The following TNIP1 variants were observed in gnomAD, a reference collection of about 807,000 sequenced individuals.
TNIP1 encodes the protein TNFAIP3-interacting protein 1.
TNIP1 carries 22 observed loss-of-function variants against 86.6 expected under a neutral mutation model. That is an observed-to-expected ratio of 0.25 (90% CI 0.18 to 0.36). TNIP1 has a LOEUF of 0.36. Among genes scored for constraint, TNIP1 ranks in the 10% least tolerant of loss-of-function variants. TNIP1 has a pLI of 1.00. For synonymous variants in TNIP1, 294 were observed against 313.0 expected (o/e 0.94, Z 0.64); for missense variants, 709 against 820.6 (o/e 0.86, Z 1.66).
chr5:151,043,345 G>A (rs943941400), intron 9 of TNIP1, among the ~76,000 whole-genome samples: 22 of 152,172 alleles, frequency 1.4e-4, no homozygotes, highest in Admixed American at 9.8e-4. Context: ...TTACACAAGT[G>A]TGCAAATATA....
upstream of TNIP1, among the ~76,000 whole-genome samples, chr5:151,085,421 TA>T (rs2113869785): frequency 6.6e-6 from 1 of 152,336 alleles, no homozygotes; most frequent in East Asian, 1.9e-4. Context: ...CAGCTTGCCC[TA>T]GACATCAGAC....
chr5:151,032,148 T>C (rs1451903482), intron 17 of TNIP1, 139 bp downstream of exon 17: 3 of 687,340 alleles, frequency 4.4e-6, no homozygotes, highest in Non-Finnish European at 4.9e-6. Flanking sequence ...TTACTCTCCA[T>C]TCAACACTGT....
intron 4 of TNIP1, 50 bp from the exon 5 acceptor site, chr5:151,060,445 C>G (rs981550356): frequency 3.2e-6 from 5 of 1,575,146 alleles, no homozygotes; most frequent in Non-Finnish European, 4.4e-6. Flanking sequence ...CAGCTCACCC[C>G]TCCTCTGCGG....
rs1756751431 is a variant in TNIP1 at position 151,030,503 on chromosome 5, G to A, written c.*210C>T. On this transcript the variant is annotated 3_prime_UTR_variant, in exon 18 of 18. Transcript: ENST00000521591. Reference sequence around the variant, plus strand: ...AAGGAGTTTTTCCCAGTCACTCCCAGCAGAGTACAAATGAAAGCCTTCTGG... The same window carrying A: ...AAGGAGTTTTTCCCAGTCACTCCCAACAGAGTACAAATGAAAGCCTTCTGG... 1.4e-6 allele frequency: 1 copy of A among 700,052 alleles called. No homozygotes were observed. The allele number at this position is 700,052 out of a possible 1,614,324, so 43.4% of individuals were successfully genotyped here.
At chr5:151,053,583 A>G (rs1760257124) in intron 6 of TNIP1, among the ~76,000 whole-genome samples, 1 of 152,132 alleles carries the variant, frequency 6.6e-6, no homozygotes, top group Non-Finnish European at 1.5e-5. Flanking sequence ...TCAGGACCTC[A>G]CAGGCTGGGG....
chr5:151,081,658 C>T (rs1764037048), upstream of TNIP1, among the ~76,000 whole-genome samples: 1 of 152,204 alleles, frequency 6.6e-6, no homozygotes, highest in East Asian at 1.9e-4. Context: ...TTCGCACAAT[C>T]ACGCTAGGGA....
At position 151,059,879 on chromosome 5, in the gene TNIP1, G is replaced by A. The variant is rs73799420; in HGVS notation, c.435+439C>T. 8.3e-3 allele frequency among the ~76,000 whole-genome samples: 1,018 copies of A among 121,942 alleles called. 25 individuals carry two copies. The highest frequency in any genetic ancestry group is 0.033 in the African/African-American group (917 of 27,660). The allele number at this position is 121,942 out of a possible 152,430, so 80.0% of individuals were successfully genotyped here. A position where few individuals can be genotyped will look rare whatever the true frequency, so the allele number is the denominator to read the frequency against. On this transcript the variant is annotated intron_variant, in intron 5 of 17. Transcript: ENST00000521591. Reference sequence around the variant, plus strand: ...TGTGTGTGTGTGTGCGCGCGCGCGCGCGCATGCGTGTAAGTGGAAAGTTGA... The same window carrying A: ...TGTGTGTGTGTGTGCGCGCGCGCGCACGCATGCGTGTAAGTGGAAAGTTGA...
chr5:151,077,564 T>C (rs1763528071), intron 1 of TNIP1, among the ~76,000 whole-genome samples: 1 of 152,202 alleles, frequency 6.6e-6, no homozygotes, highest in African/African-American at 2.4e-5. Flanking sequence ...CAGGTGAGGA[T>C]GCAGAGGCCC....
chr5:151,043,362 C>T (rs746113256), intron 9 of TNIP1, among the ~76,000 whole-genome samples: 1 of 152,124 alleles, frequency 6.6e-6, no homozygotes, highest in Non-Finnish European at 1.5e-5. Flanking sequence ...TATATATACA[C>T]AAGGCTAATC....
At chr5:151,079,782 T>C (rs982355885) in intron 1 of TNIP1, among the ~76,000 whole-genome samples, 1 of 152,218 alleles carries the variant, frequency 6.6e-6, no homozygotes, top group African/African-American at 2.4e-5. Flanking sequence ...TCTACCCTCC[T>C]AATACAATTC....
intron 5 of TNIP1, among the ~76,000 whole-genome samples, chr5:151,057,226 T>C (rs1215216155): frequency 6.6e-6 from 1 of 152,196 alleles, no homozygotes; most frequent in Non-Finnish European, 1.5e-5. Flanking sequence ...TGACAGTAAG[T>C]CACTTGTCTG....
At chr5:151,032,597 G>T in intron 16 of TNIP1, 1 of 588,298 alleles carries the variant, frequency 1.7e-6, no homozygotes, top group Non-Finnish European at 3.0e-6. Flanking sequence ...GCTAAGCTTG[G>T]ATTTGAATCC....
chr5:151,049,349 G>A (rs561837133), intron 8 of TNIP1, among the ~76,000 whole-genome samples: 1 of 152,088 alleles, frequency 6.6e-6, no homozygotes, highest in Non-Finnish European at 1.5e-5. Flanking sequence ...ACAGACACTA[G>A]CCAACACCCT....
intron 1 of TNIP1, among the ~76,000 whole-genome samples, chr5:151,078,906 G>C (rs1320333420): frequency 6.6e-6 from 1 of 152,180 alleles, no homozygotes; most frequent in African/African-American, 2.4e-5. Flanking sequence ...AATCAGGTCG[G>C]CCTGACCCAA....
rs376656055 is a variant in TNIP1, at chr5:151,056,979, G to A, written c.436-22C>T. 61 of 1,419,430 alleles carry A rather than the reference G, an allele frequency of 4.3e-5. No individual in the cohort carries two copies. The Middle Eastern group carries it at 6.2e-4, about 14-fold the overall frequency. The allele number at this position is 1,419,430 out of a possible 1,614,324, so 87.9% of individuals were successfully genotyped here. A position where few individuals can be genotyped will look rare whatever the true frequency, so the allele number is the denominator to read the frequency against. Reference sequence around the variant, plus strand: ...GCGCCTGGAGAGGGAAAGGGCACACGGCCCACTCTTCACCAAGGCCTGAGT... The same window carrying A: ...GCGCCTGGAGAGGGAAAGGGCACACAGCCCACTCTTCACCAAGGCCTGAGT... On this transcript the variant is annotated intron_variant, in intron 5 of 17. Transcript: ENST00000521591.
In TNIP1 at chr5:151,063,721, C is replaced by T. The variant is rs760683922; in HGVS notation, c.163G>A (p.Glu55Lys). The T allele has an allele frequency of 4.3e-6, 7 of 1,613,954 alleles. No homozygotes were observed. The highest frequency in any genetic ancestry group is 5.1e-6 in the Non-Finnish European group (6 of 1,179,944). The change falls in exon 3 of 18, where the codon GAA (glutamate) becomes AAA (lysine). Residue 55 changes from glutamate to lysine, a missense_variant. Glu to Lys is a moderately conservative substitution (Grantham distance 56, BLOSUM62 1). Transcript: ENST00000521591. Reference protein sequence around the residue: ...LGELLEESQMEATRLRQKAEE... With the variant: ...LGELLEESQMKATRLRQKAEE... ...GCCTTCTGCCGGAGCCTGGTCGCTT[C>T]CATCTGGGACTCTTCCAAAAGCTCC...
At chr5:151,069,348 T>C (rs1345216585) in intron 1 of TNIP1, among the ~76,000 whole-genome samples, 1 of 152,214 alleles carries the variant, frequency 6.6e-6, no homozygotes, top group African/African-American at 2.4e-5. Context: ...CCCCAAATGA[T>C]ATTCACTTGC....
Position 151,032,896 on chromosome 5 carries a change from C to T in TNIP1, c.1780-513G>A, listed in dbSNP as rs538134691. 1.1e-4 allele frequency: 18 copies of T among 159,074 alleles called. No homozygotes were observed. In the South Asian group the frequency reaches 1.5e-3, roughly 13 times the overall value. The allele number at this position is 159,074 out of a possible 1,614,324, so 9.9% of individuals were successfully genotyped here. ...ATCCTAGCACTTTGGGAGGCCAAGG[C>T]GGGTGGATCACCTGAGGTCAGGAGT... On this transcript the variant is annotated intron_variant, in intron 16 of 17. Coordinates refer to ENST00000521591, the MANE Select transcript of TNIP1 (RefSeq NM_006058.5).
At chr5:151,073,548 T>G (rs115734403) in intron 1 of TNIP1, among the ~76,000 whole-genome samples, 2 of 143,248 alleles carry the variant, frequency 1.4e-5, no homozygotes, top group African/African-American at 2.9e-5. Context: ...CAGATTTATA[T>G]GTGTAACAGG....
Sources: gnomAD v4.1 joint callset for allele counts (sites outside exome capture counted in the v4.1 genomes callset) on GRCh38, gnomAD v4.1.1 for gene constraint, MANE v1.5 for transcripts, NCBI Gene and HGNC (gene_info 2026-07-23, HGNC 2026-07-21) for gene names.